Variants in NREP observed in about 807,000 individuals in gnomAD.
The protein encoded by NREP is neuronal regeneration-related protein.
NREP carries 5 observed loss-of-function variants against 8.6 expected under a neutral mutation model. That is an observed-to-expected ratio of 0.58 (90% CI 0.30 to 1.22). NREP has a LOEUF of 1.22. Ranked by LOEUF, NREP falls within the 50% of genes most tolerant of loss-of-function variation. The pLI is 0.07. For synonymous variants in NREP, 27 were observed against 28.0 expected, an observed-to-expected ratio of 0.96 and a Z score of 0.11; for missense variants, 86 against 82.5, an observed-to-expected ratio of 1.04 and a Z score of -0.17.
intron 2 of NREP, among the ~76,000 whole-genome samples, chr5:111,794,845 G>A (rs1483674770): frequency 6.6e-6 from 1 of 152,102 alleles, no homozygotes; most frequent in African/African-American, 2.4e-5. Flanking sequence ...TGACAATGAT[G>A]TGTCAGTGTA....
rs574921291 is a variant in NREP, at chr5:111,964,948, T to C, written c.135+10326A>G. ...ACTTAAACAATAAGAACATTTACTA[T>C]TCCATGTAATAAGAAGTCCAGACGT... On this transcript the variant is annotated intron_variant, in intron 2 of 3. Transcript: ENST00000395634. 2.2e-4 allele frequency among the ~76,000 whole-genome samples: 33 copies of C among 147,212 alleles called. No homozygotes were observed. In the South Asian group the frequency reaches 7.1e-3, roughly 32 times the overall value.
In NREP at chr5:111,886,519, A is replaced by G. The variant is rs1365077251; in HGVS notation, c.135+88755T>C. 1.3e-5 allele frequency among the ~76,000 whole-genome samples: 2 copies of G among 151,908 alleles called. 1 individual carries two copies. The highest frequency in any genetic ancestry group is 4.8e-5 in the African/African-American group (2 of 41,304). Reference sequence around the variant, plus strand: ...ATCATGCTGCTATAAAGACACATGCACACGTATGTTTATTGCGGCATTATT... The same window carrying G: ...ATCATGCTGCTATAAAGACACATGCGCACGTATGTTTATTGCGGCATTATT... On this transcript the variant is annotated intron_variant, in intron 2 of 3. Coordinates refer to the NREP transcript ENST00000395634.
chr5:111,975,093 G>A (rs1302767053), intron 2 of NREP, among the ~76,000 whole-genome samples: 1 of 152,218 alleles, frequency 6.6e-6, no homozygotes, highest in East Asian at 1.9e-4. Flanking sequence ...GAGATGCAGA[G>A]GAAGGCACAC....
At chr5:111,886,262 C>T (rs1358668737) in intron 2 of NREP, among the ~76,000 whole-genome samples, 2 of 152,180 alleles carry the variant, frequency 1.3e-5, no homozygotes, top group African/African-American at 2.4e-5. Flanking sequence ...CAAATCAAAA[C>T]CGCAATGAGA....
intron 2 of NREP, among the ~76,000 whole-genome samples, chr5:111,745,532 A>G (rs1037005409): frequency 2.6e-5 from 4 of 152,180 alleles, no homozygotes; most frequent in Non-Finnish European, 5.9e-5. Context: ...ATGACCCCCA[A>G]ATGAACTCTC....
chr5:111,742,882 C>T (rs1240400530), intron 2 of NREP, among the ~76,000 whole-genome samples: 1 of 152,104 alleles, frequency 6.6e-6, no homozygotes, highest in Admixed American at 6.6e-5. Flanking sequence ...AGTCACTGAT[C>T]GAGGAATTCT....
intron 2 of NREP, among the ~76,000 whole-genome samples, chr5:111,939,494 T>A (rs1363975346): frequency 6.6e-6 from 1 of 152,068 alleles, no homozygotes; most frequent in South Asian, 2.1e-4. Context: ...CACTTAAATT[T>A]ATTTGTAACC....
At chr5:111,804,772 C>T (rs935502176) in intron 2 of NREP, among the ~76,000 whole-genome samples, 2 of 152,002 alleles carry the variant, frequency 1.3e-5, no homozygotes, top group East Asian at 3.9e-4. Context: ...AAGGCCGAGG[C>T]GGGCGGATCA....
At chr5:111,805,769 G>GA (rs5870475) in intron 2 of NREP, among the ~76,000 whole-genome samples, 118,106 of 152,034 alleles carry the variant, frequency 0.78, 46,031 homozygotes, top group East Asian at 0.95. Flanking sequence ...ATAGAGAAGA[G>GA]AAAATTTATC....
intron 2 of NREP, among the ~76,000 whole-genome samples, chr5:111,905,854 C>T (rs1428352853): frequency 2.0e-5 from 3 of 151,902 alleles, no homozygotes; most frequent in Admixed American, 2.0e-4. Context: ...CTGACCCATT[C>T]CTGTGTAAAT....
At position 111,769,277 on chromosome 5, in the gene NREP, A is replaced by G. The variant is rs190863743; in HGVS notation, c.136-33770T>C. ...TTTGCAAGGCAAAATGCTAGGCACCAGAGTTACAGCGGTGGACAAGATAGA... is the reference window on the plus strand; with the variant it reads ...TTTGCAAGGCAAAATGCTAGGCACCGGAGTTACAGCGGTGGACAAGATAGA... On this transcript the variant is annotated intron_variant, in intron 2 of 3. Coordinates refer to the NREP transcript ENST00000395634. 2.1e-3 allele frequency among the ~76,000 whole-genome samples: 327 copies of G among 152,360 alleles called. 2 individuals carry two copies. The highest frequency in any genetic ancestry group is 6.8e-3 in the South Asian group (33 of 4,830).
At chr5:111,948,618 G>C (rs1445673665) in intron 2 of NREP, among the ~76,000 whole-genome samples, 1 of 152,044 alleles carries the variant, frequency 6.6e-6, no homozygotes, top group Non-Finnish European at 1.5e-5. Context: ...TGAGTTGGTT[G>C]TCCAAGACAT....
intron 2 of NREP, among the ~76,000 whole-genome samples, chr5:111,884,976 G>GAAGGAAAT (rs1190645505): frequency 3.9e-5 from 6 of 152,188 alleles, no homozygotes; most frequent in Non-Finnish European, 8.8e-5. Context: ...TCTAGCCAGG[G>GAAGGAAAT]CAATTAGGCA....
chr5:111,755,715 T>C (rs1003788702), intron 2 of NREP, 55 bp downstream of exon 2: 40 of 1,587,422 alleles, frequency 2.5e-5, no homozygotes, highest in East Asian at 4.5e-5. Flanking sequence ...TTGATATTTA[T>C]ATGTAACAGA....
chr5:111,788,745 T>C (rs1730527486), intron 2 of NREP, among the ~76,000 whole-genome samples: 1 of 152,220 alleles, frequency 6.6e-6, no homozygotes, highest in Non-Finnish European at 1.5e-5. Context: ...GACTGGGCAA[T>C]GGGGCACCAG....
chr5:111,760,451 A>G (rs566308404), upstream of NREP, among the ~76,000 whole-genome samples: 2 of 152,310 alleles, frequency 1.3e-5, no homozygotes, highest in Admixed American at 6.5e-5. Flanking sequence ...CGATGTCCTT[A>G]TCTTCATGGA....
chr5:111,950,661 A>G (rs1561364123), intron 2 of NREP, among the ~76,000 whole-genome samples: 1 of 152,050 alleles, frequency 6.6e-6, no homozygotes, highest in East Asian at 1.9e-4. Flanking sequence ...ACAAAGGTCT[A>G]ATATCCAGTA....
chr5:111,897,212 T>A (rs1272410757), intron 2 of NREP, among the ~76,000 whole-genome samples: 3 of 152,174 alleles, frequency 2.0e-5, no homozygotes, highest in African/African-American at 7.2e-5. Context: ...GGATACCCAT[T>A]TTTAAATTTA....
At chr5:111,735,226 TGAAG>T (rs1748990861) in intron 3 of NREP, 200 bp downstream of exon 3, 5 of 436,878 alleles carry the variant, frequency 1.1e-5, no homozygotes, top group African/African-American at 2.0e-5. Context: ...TTTTCATTTA[TGAAG>T]GAAGATAATG....
Sources: allele counts gnomAD v4.1 joint callset (sites outside exome capture counted in the v4.1 genomes callset), GRCh38; gene constraint gnomAD v4.1.1; transcripts MANE v1.5; gene names NCBI Gene and HGNC (gene_info 2026-07-23, HGNC 2026-07-21).